Variants in IPO5 observed in about 807,000 individuals in gnomAD.
IPO5 encodes the protein importin-5.
IPO5 carries 18 observed loss-of-function variants against 143.3 expected under a neutral mutation model. The ratio of observed to expected loss-of-function variants is 0.13; its 90% CI spans 0.09 to 0.19. The LOEUF is 0.19. Among genes scored for constraint, IPO5 ranks in the 10% least tolerant of loss-of-function variants. The probability of loss-of-function intolerance (pLI) is 1.00; values close to 1 mark genes in which losing one functional copy is unlikely to be tolerated. For synonymous variants in IPO5, 477 were observed against 465.7 expected (o/e 1.02, Z -0.31); for missense variants, 1,013 against 1,336.9 (o/e 0.76, Z 3.78).
At chr13:97,996,696 A>G (rs1035244092) in intron 11 of IPO5, among the ~76,000 whole-genome samples, 2 of 151,912 alleles carry the variant, frequency 1.3e-5, no homozygotes, top group African/African-American at 4.8e-5. Context: ...TCCACCTCCC[A>G]GGTTCACGCC....
At chr13:97,996,667 A>G (rs1011440614) in intron 11 of IPO5, among the ~76,000 whole-genome samples, 2 of 151,810 alleles carry the variant, frequency 1.3e-5, no homozygotes, top group African/African-American at 4.8e-5. Flanking sequence ...CAGTGGTGTG[A>G]TCTTGGCTCA....
intron 13 of IPO5, 151 bp downstream of exon 13, chr13:98,000,796 A>G: frequency 1.7e-6 from 1 of 597,248 alleles, no homozygotes; most frequent in African/African-American, 1.8e-5. Flanking sequence ...TAAAATTGTC[A>G]ATCCCAAAGA....
chr13:98,020,802 TAAAAC>T (rs1029625963), intron 27 of IPO5, among the ~76,000 whole-genome samples, 185 bp from the exon 28 acceptor site: 19 of 152,178 alleles, frequency 1.2e-4, no homozygotes, highest in African/African-American at 4.6e-4. Flanking sequence ...GTTTGGCCCT[TAAAAC>T]AATCCTGAGA....
chr13:98,006,035 GA>G, intron 16 of IPO5, 94 bp from the exon 17 acceptor site: 2 of 815,182 alleles, frequency 2.5e-6, no homozygotes, highest in Non-Finnish European at 4.1e-6. Context: ...TGCTGTTTCA[GA>G]AAAGCATTCA....
At chr13:98,009,229 C>T (rs1408541244) in intron 18 of IPO5, among the ~76,000 whole-genome samples, 1 of 152,086 alleles carries the variant, frequency 6.6e-6, no homozygotes, top group Non-Finnish European at 1.5e-5. Flanking sequence ...CATGCATGCT[C>T]AATAGATAAA....
Position 98,021,989 on chromosome 13 carries a change from G to GTT in IPO5, c.*169_*170dup. 2.4e-6 allele frequency: 1 copy of GTT among 425,276 alleles called. No homozygotes were observed. Among genetic ancestry groups the GTT allele is most frequent in the Non-Finnish European group, 4.2e-6 (1 of 237,012 alleles). 26.3% of individuals were successfully genotyped at this position (425,276 alleles called of 1,614,324 possible). On this transcript the variant is annotated 3_prime_UTR_variant, in exon 29 of 29. Coordinates refer to ENST00000651721, the MANE Select transcript of IPO5 (RefSeq NM_002271.6). ...GAGCAGCGCTGTGTTGCAGAATGGAGTTTCCATGGATTTCTACCAGACCAC... is the reference window on the plus strand; with the variant it reads ...GAGCAGCGCTGTGTTGCAGAATGGAGTTTTTCCATGGATTTCTACCAGACCAC...
intron 2 of IPO5, among the ~76,000 whole-genome samples, chr13:97,967,747 T>C (rs1885470078): frequency 6.6e-6 from 1 of 152,128 alleles, no homozygotes; most frequent in African/African-American, 2.4e-5. Flanking sequence ...TTCTCCTGCC[T>C]CAGCCTCCCA....
Position 97,969,618 on chromosome 13 carries a change from A to T in IPO5, c.-112-105A>T. ...CCAACTCTTAACCAGTCTTTGATTT[A>T]ACTGATAAGGATTTATTCTTCAAAA... On this transcript the variant is annotated intron_variant, in intron 2 of 28. Coordinates refer to ENST00000651721, the MANE Select transcript of IPO5 (RefSeq NM_002271.6). 6 of 641,452 alleles carry T rather than the reference A, an allele frequency of 9.4e-6. 1 individual carries two copies. Among genetic ancestry groups the T allele is most frequent in the Non-Finnish European group, 1.4e-5 (5 of 357,742 alleles). The allele number at this position is 641,452 out of a possible 1,614,324, so 39.7% of individuals were successfully genotyped here. A position where few individuals can be genotyped will look rare whatever the true frequency, so the allele number is the denominator to read the frequency against.
At chr13:97,967,227 C>T (rs567344998) in intron 2 of IPO5, among the ~76,000 whole-genome samples, 1 of 152,226 alleles carries the variant, frequency 6.6e-6, no homozygotes. Flanking sequence ...TTTCTGAAAG[C>T]TGGGTAGTGA....
chr13:97,988,863 G>T (rs1887591204), intron 6 of IPO5, among the ~76,000 whole-genome samples, 199 bp from the exon 7 acceptor site: 1 of 149,410 alleles, frequency 6.7e-6, no homozygotes, highest in Admixed American at 6.6e-5. Context: ...GGTTTGTTTG[G>T]TCTTTTTTTT....
At chr13:97,990,865 C>T (rs1032003672) in intron 9 of IPO5, among the ~76,000 whole-genome samples, 1 of 152,060 alleles carries the variant, frequency 6.6e-6, no homozygotes, top group African/African-American at 2.4e-5. Context: ...GCCCATTTTA[C>T]ATAAGGAGAA....
chr13:97,955,520 G>A (rs1884395909), intron 2 of IPO5, among the ~76,000 whole-genome samples: 1 of 152,146 alleles, frequency 6.6e-6, no homozygotes, highest in Non-Finnish European at 1.5e-5. Flanking sequence ...AGAAATATAA[G>A]AGTTGAAATC....
intron 2 of IPO5, among the ~76,000 whole-genome samples, chr13:97,964,562 C>T (rs1008756842): frequency 1.3e-5 from 2 of 150,992 alleles, no homozygotes; most frequent in Non-Finnish European, 2.9e-5. Flanking sequence ...ATTCTCCTGC[C>T]GAGTAGCTGG....
chr13:97,978,360 A>T (rs1310595155), intron 4 of IPO5, among the ~76,000 whole-genome samples: 2 of 152,196 alleles, frequency 1.3e-5, no homozygotes, highest in South Asian at 2.1e-4. Flanking sequence ...CATCATATGG[A>T]TAGATATTTA....
chr13:98,023,053 TTTAAA>T lies in IPO5; in HGVS notation c.*1237_*1241del, dbSNP rs1382515503. 4 of 152,660 alleles carry T rather than the reference TTTAAA, an allele frequency of 2.6e-5. No individual in the cohort carries two copies. Among genetic ancestry groups the T allele is most frequent in the Non-Finnish European group, 4.4e-5 (3 of 68,046 alleles). 9.5% of individuals were successfully genotyped at this position (152,660 alleles called of 1,614,324 possible). A position where few individuals can be genotyped will look rare whatever the true frequency, so the allele number is the denominator to read the frequency against. On this transcript the variant is annotated 3_prime_UTR_variant, in exon 29 of 29. Transcript: ENST00000651721. ...ATGAATTTTATGCATAGATCAGAAT[TTTAAA>T]TTAAAGGTTTTTTCTTTAAATGATT...
intron 9 of IPO5, among the ~76,000 whole-genome samples, chr13:97,991,481 G>C (rs1189193108): frequency 6.6e-6 from 1 of 152,212 alleles, no homozygotes; most frequent in East Asian, 1.9e-4. Flanking sequence ...GCAAAGTAGA[G>C]GTTGAGTGTC....
chr13:97,960,942 C>G (rs1471563011), intron 2 of IPO5, among the ~76,000 whole-genome samples: 1 of 152,110 alleles, frequency 6.6e-6, no homozygotes, highest in Non-Finnish European at 1.5e-5. Flanking sequence ...CCTTTCCTCA[C>G]CCTAAAAGAA....
At chr13:98,010,398 G>A (rs1889597324) in intron 20 of IPO5, among the ~76,000 whole-genome samples, 174 bp downstream of exon 20, 1 of 152,078 alleles carries the variant, frequency 6.6e-6, no homozygotes, top group South Asian at 2.1e-4. Flanking sequence ...TTCATTATCA[G>A]TGCTGTTTTA....
In IPO5 at chr13:98,003,452, T is replaced by TA. The variant is rs1285510496; in HGVS notation, c.1497+416dup. The stretch of plus-strand genomic sequence containing the variant: ...GAGAAGATTTAAGGCAAGACCATCA[T>TA]ACTGTCATCGTCCAGGGAGCTTAGA... On this transcript the variant is annotated intron_variant, in intron 16 of 28. Coordinates refer to ENST00000651721, the MANE Select transcript of IPO5 (RefSeq NM_002271.6). Among the ~76,000 whole-genome samples, 7 of 152,328 alleles carry TA rather than the reference T, an allele frequency of 4.6e-5. No individual in the cohort carries two copies. The East Asian group carries it at 1.3e-3, about 29-fold the overall frequency.
Sources: gnomAD v4.1 joint callset for allele counts (sites outside exome capture counted in the v4.1 genomes callset) on GRCh38, gnomAD v4.1.1 for gene constraint, MANE v1.5 for transcripts, NCBI Gene and HGNC (gene_info 2026-07-23, HGNC 2026-07-21) for gene names.